GRM1: variants seen among roughly 807,000 people sequenced by gnomAD.
GRM1 encodes the protein glutamate metabotropic receptor 1.
A neutral mutation model predicts 90.9 loss-of-function variants in GRM1; 33 were observed. The ratio of observed to expected loss-of-function variants is 0.36; its 90% CI spans 0.28 to 0.49. GRM1 has a LOEUF of 0.49. Ranked by LOEUF, GRM1 falls within the 20% of genes least tolerant of loss-of-function variation. The probability of loss-of-function intolerance (pLI) is 0.99; values close to 1 mark genes in which losing one functional copy is unlikely to be tolerated. For synonymous variants in GRM1, 700 were observed against 613.2 expected (o/e 1.14, Z -2.09); for missense variants, 1,190 against 1,534.3 (o/e 0.78, Z 3.75).
chr6:146,333,662 C>T (rs936884042), intron 3 of GRM1, among the ~76,000 whole-genome samples: 2 of 152,096 alleles, frequency 1.3e-5, no homozygotes, highest in African/African-American at 4.8e-5. Flanking sequence ...TACTTGTCTC[C>T]AGGATCCCAG....
chr6:146,099,641 TG>T (rs1457638653), intron 1 of GRM1, among the ~76,000 whole-genome samples: 1 of 152,242 alleles, frequency 6.6e-6, no homozygotes, highest in Non-Finnish European at 1.5e-5. Context: ...TTTATATAAG[TG>T]GGACCATTTA....
rs140490010 is a variant in GRM1 at position 146,112,770 on chromosome 6, A to T, written c.701-46578A>T. Among the ~76,000 whole-genome samples the T allele has an allele frequency of 4.9e-3, 745 of 152,296 alleles. 8 individuals are homozygous for T. Among genetic ancestry groups the T allele is most frequent in the African/African-American group, 0.017 (713 of 41,566 alleles). On this transcript the variant is annotated intron_variant, in intron 1 of 7. Transcript: ENST00000282753. ...CCTCTTGGGTTTTATGCAACTTCAA[A>T]TCTGAGCCAATTCAGCTCCCCTTTG...
chr6:146,357,804 T>G (rs1785647255), intron 5 of GRM1, 110 bp downstream of exon 5: 1 of 887,804 alleles, frequency 1.1e-6, no homozygotes, highest in African/African-American at 1.7e-5. Flanking sequence ...AGAAAGGGTG[T>G]GCCAGGCTTA....
intron 1 of GRM1, among the ~76,000 whole-genome samples, chr6:146,086,967 T>C (rs2128865889): frequency 6.6e-6 from 1 of 152,162 alleles, no homozygotes; most frequent in Middle Eastern, 3.4e-3. Flanking sequence ...AGTGCAGATT[T>C]CCCCCCTTTA....
chr6:146,277,627 C>T (rs1025525153), intron 2 of GRM1, among the ~76,000 whole-genome samples: 1 of 152,170 alleles, frequency 6.6e-6, no homozygotes, highest in African/African-American at 2.4e-5. Flanking sequence ...ACACCTGGAA[C>T]CTTGCTCCTG....
intron 7 of GRM1, among the ~76,000 whole-genome samples, chr6:146,402,563 A>G (rs1303593734): frequency 1.3e-5 from 2 of 152,112 alleles, no homozygotes; most frequent in Non-Finnish European, 2.9e-5. Flanking sequence ...ACATCACCCA[A>G]TGAGTTTATT....
upstream of GRM1, chr6:146,027,874 A>G (rs1418628693): frequency 6.6e-6 from 1 of 152,548 alleles, no homozygotes; most frequent in Non-Finnish European, 1.5e-5. Context: ...AACGGCAGAC[A>G]AAGTCCCAGT....
intron 1 of GRM1, among the ~76,000 whole-genome samples, chr6:146,035,093 T>C (rs1468813299): frequency 6.6e-6 from 1 of 151,952 alleles, no homozygotes; most frequent in African/African-American, 2.4e-5. Flanking sequence ...AGAGTTTTGT[T>C]TGGAAACATA....
intron 1 of GRM1, among the ~76,000 whole-genome samples, chr6:146,130,401 G>C (rs1400818022): frequency 6.6e-6 from 1 of 152,056 alleles, no homozygotes; most frequent in Non-Finnish European, 1.5e-5. Flanking sequence ...AAAATAGGTG[G>C]AGGATGTTAG....
rs1293980535 is a variant in GRM1, at chr6:146,029,303, C to T, written c.-215C>T. ...GACTCGAATTCCCTTACAAACGCCT[C>T]CAGCTTGTAGAGGCGGTCGTGGAGG... On this transcript the variant is annotated 5_prime_UTR_variant, in exon 1 of 8. Coordinates refer to ENST00000282753, the MANE Select transcript of GRM1 (RefSeq NM_001278064.2). The T allele has an allele frequency of 3.3e-6, 2 of 599,120 alleles. No homozygotes were observed. Among genetic ancestry groups the T allele is most frequent in the African/African-American group, 1.9e-5 (1 of 53,710 alleles). The allele number at this position is 599,120 out of a possible 1,614,324, so 37.1% of individuals were successfully genotyped here. A position where few individuals can be genotyped will look rare whatever the true frequency, so the allele number is the denominator to read the frequency against.
At chr6:146,331,956 A>G (rs1428119616) in intron 3 of GRM1, among the ~76,000 whole-genome samples, 4 of 152,158 alleles carry the variant, frequency 2.6e-5, no homozygotes, top group African/African-American at 9.7e-5. Flanking sequence ...CGAAAGAATC[A>G]CAGGACTAGT....
intron 2 of GRM1, among the ~76,000 whole-genome samples, chr6:146,272,023 T>A (rs1265855597): frequency 1.3e-5 from 2 of 152,188 alleles, no homozygotes; most frequent in African/African-American, 4.8e-5. Context: ...TTCCTGCATT[T>A]CATCAGTGTT....
Position 146,352,303 on chromosome 6 carries a change from A to G in GRM1, c.1240A>G (p.Ile414Val). The G allele has an allele frequency of 6.2e-7, 1 of 1,613,638 alleles. No individual in the cohort carries two copies. The highest frequency in any genetic ancestry group is 8.5e-7 in the Non-Finnish European group (1 of 1,179,492). The change falls in exon 4 of 8, where the codon ATC (isoleucine) becomes GTC (valine). Residue 414 changes from isoleucine (I) to valine (V), a missense_variant. This residue lies in a region of GRM1 where 414 missense variants were observed against 598.4 expected (regional missense o/e 0.69). Transcript: ENST00000282753. Reference sequence around the variant, plus strand: ...CCAGGACAGTAAGATGGGGTTTGTCATCAATGCCATCTATGCCATGGCACA... The same window carrying G: ...CCAGGACAGTAAGATGGGGTTTGTCGTCAATGCCATCTATGCCATGGCACA... ...YVQDSKMGFVINAIYAMAHGL... is the reference protein window; with the variant it reads ...YVQDSKMGFVVNAIYAMAHGL...
intron 5 of GRM1, among the ~76,000 whole-genome samples, chr6:146,372,610 T>C (rs974398607): frequency 6.6e-6 from 1 of 152,164 alleles, no homozygotes; most frequent in Non-Finnish European, 1.5e-5. Context: ...ATTTAAGTCT[T>C]TAATTGATAT....
intron 7 of GRM1, chr6:146,426,622 AC>A: frequency 2.6e-6 from 4 of 1,527,628 alleles, no homozygotes; most frequent in Non-Finnish European, 3.6e-6. Flanking sequence ...AGCTTTGAAA[AC>A]CCCCACACTG....
At chr6:146,069,665 A>T (rs1464180428) in intron 1 of GRM1, among the ~76,000 whole-genome samples, 1 of 152,178 alleles carries the variant, frequency 6.6e-6, no homozygotes, top group Non-Finnish European at 1.5e-5. Context: ...TTGAATTTAA[A>T]ATATGCCACA....
intron 1 of GRM1, among the ~76,000 whole-genome samples, chr6:146,137,368 T>C (rs1341858743): frequency 1.3e-5 from 2 of 152,222 alleles, no homozygotes; most frequent in African/African-American, 4.8e-5. Flanking sequence ...TCTAGTTTCA[T>C]TCTTCTGCAT....
At chr6:146,081,068 AG>A (rs747601055) in intron 1 of GRM1, among the ~76,000 whole-genome samples, 4 of 152,238 alleles carry the variant, frequency 2.6e-5, no homozygotes, top group Non-Finnish European at 4.4e-5. Context: ...ACCCAAGTCC[AG>A]GAAGAATAAG....
intron 1 of GRM1, among the ~76,000 whole-genome samples, chr6:146,150,688 C>A (rs973222706): frequency 1.3e-5 from 2 of 151,926 alleles, no homozygotes; most frequent in African/African-American, 2.4e-5. Context: ...ATTCATTAAC[C>A]AACCCCTCTT....
Sources: allele counts gnomAD v4.1 joint callset (sites outside exome capture counted in the v4.1 genomes callset), GRCh38; gene constraint gnomAD v4.1.1; regional missense constraint gnomAD v4.1.1; transcripts MANE v1.5; gene names NCBI Gene and HGNC (gene_info 2026-07-23, HGNC 2026-07-21).